OPRM1: variants seen among roughly 807,000 people sequenced by gnomAD.
OPRM1 encodes opioid receptor mu 1.
In OPRM1, 27 loss-of-function variants were observed where a neutral mutation model predicts 31.8. That is an observed-to-expected ratio of 0.85 (90% CI 0.63 to 1.17). The LOEUF (loss-of-function observed/expected upper bound fraction) is 1.17. Among genes scored for constraint, OPRM1 ranks in the 50% most tolerant of loss-of-function variants. The pLI, the probability that OPRM1 is intolerant of heterozygous loss-of-function variation, is 0.00. For synonymous variants in OPRM1, 196 were observed against 189.9 expected, an observed-to-expected ratio of 1.03 and a Z score of -0.26; for missense variants, 536 against 511.1, an observed-to-expected ratio of 1.05 and a Z score of -0.47.
At chr6:154,098,930 ATAGAG>A (rs549190074) in intron 3 of OPRM1, among the ~76,000 whole-genome samples, 59 of 152,180 alleles carry the variant, frequency 3.9e-4, no homozygotes, top group Non-Finnish European at 7.1e-4. Flanking sequence ...TTGTTTCTTT[ATAGAG>A]TAGAGTTTCT....
chr6:154,141,235 G>A (rs1315955770), intron 3 of OPRM1, among the ~76,000 whole-genome samples: 6 of 152,324 alleles, frequency 3.9e-5, no homozygotes, highest in East Asian at 1.9e-4. Flanking sequence ...TGGGCAGCGC[G>A]TGTTAATGTT....
chr6:154,140,526 C>T (rs1334226566), intron 3 of OPRM1, among the ~76,000 whole-genome samples: 2 of 152,024 alleles, frequency 1.3e-5, no homozygotes, highest in Non-Finnish European at 2.9e-5. Flanking sequence ...GACAGGGTTT[C>T]GCCATGTTGG....
At chr6:154,214,207 A>C (rs781470046) in intron 3 of OPRM1, 1 of 1,575,808 alleles carries the variant, frequency 6.3e-7, no homozygotes, top group Non-Finnish European at 8.7e-7. Flanking sequence ...GAAATTTAAA[A>C]TAGAACATAC....
intron 1 of OPRM1, among the ~76,000 whole-genome samples, chr6:154,058,007 A>G (rs369329569): frequency 6.6e-6 from 1 of 152,254 alleles, no homozygotes; most frequent in Admixed American, 6.5e-5. Context: ...TTGTCTGCAT[A>G]TAAACAAATG....
upstream of OPRM1, among the ~76,000 whole-genome samples, chr6:154,036,308 A>G (rs1377397157): frequency 6.6e-6 from 1 of 152,102 alleles, no homozygotes; most frequent in Non-Finnish European, 1.5e-5. Context: ...ATACCAAGAT[A>G]TAAATGTTAA....
chr6:154,093,413 C>T, intron 3 of OPRM1: 1 of 1,614,168 alleles, frequency 6.2e-7, no homozygotes, highest in Non-Finnish European at 8.5e-7. Context: ...ATACTGCTCC[C>T]AGCCCGTCTG....
At chr6:154,206,883 T>C (rs1777542636) in intron 3 of OPRM1, among the ~76,000 whole-genome samples, 1 of 152,142 alleles carries the variant, frequency 6.6e-6, no homozygotes, top group African/African-American at 2.4e-5. Context: ...AAGGGCAAAA[T>C]TGGCAGCAAG....
At position 154,090,118 on chromosome 6, in the gene OPRM1, A is replaced by C; in HGVS notation, c.583A>C (p.Ile195Leu). 1.2e-6 allele frequency: 2 copies of C among 1,614,076 alleles called. No homozygotes were observed. Among genetic ancestry groups the C allele is most frequent in the Non-Finnish European group, 1.7e-6 (2 of 1,180,000 alleles). The change falls in exon 2 of 4, where the codon ATC (isoleucine) becomes CTC (leucine). Residue 195 changes from isoleucine (I) to leucine (L), a missense_variant. Transcript: ENST00000330432. ...CAAAATTATCAATGTCTGCAACTGG[A>C]TCCTCTCTTCAGCCATTGGTCTTCC... is the stretch of plus-strand genomic sequence containing the variant. ...NAKIINVCNW[I>L]LSSAIGLPVM...
At chr6:154,103,165 A>G (rs1006402521) in intron 3 of OPRM1, among the ~76,000 whole-genome samples, 3 of 152,176 alleles carry the variant, frequency 2.0e-5, no homozygotes, top group African/African-American at 7.2e-5. Context: ...ACTACAATGA[A>G]ACACAAATCA....
chr6:154,219,014 TATATC>T (rs2128613599), intron 3 of OPRM1: 1 of 152,316 alleles, frequency 6.6e-6, no homozygotes, highest in South Asian at 2.1e-4. Context: ...ATGAAGTATT[TATATC>T]ATATCTACCC....
chr6:154,160,364 C>T (rs756156417), intron 3 of OPRM1, among the ~76,000 whole-genome samples: 50 of 152,302 alleles, frequency 3.3e-4, no homozygotes, highest in Non-Finnish European at 4.1e-4. Flanking sequence ...ATCATGCCTC[C>T]TAAAACTTAC....
chr6:154,116,668 G>A (rs1187022419), intron 3 of OPRM1, among the ~76,000 whole-genome samples: 1 of 152,026 alleles, frequency 6.6e-6, no homozygotes, highest in Non-Finnish European at 1.5e-5. Flanking sequence ...GAAATCCAGG[G>A]TAGCAAACCT....
Position 154,039,271 on chromosome 6 carries a change from G to C in OPRM1, c.-274G>C, listed in dbSNP as rs758842824. ...CCCTTCCAGCCTCCGAATCCCGCAT[G>C]GCCCACGCTCCCCTCCTGCAGCGGT... On this transcript the variant is annotated 5_prime_UTR_variant, in exon 1 of 4. It removes an upstream start codon present in the reference 5' UTR. Transcript: ENST00000330432. The C allele has an allele frequency of 3.9e-6, 6 of 1,551,528 alleles. No homozygotes were observed. The East Asian group carries it at 1.5e-4, about 38-fold the overall frequency.
At chr6:154,169,001 C>G (rs1222337523) in intron 3 of OPRM1, among the ~76,000 whole-genome samples, 2 of 152,056 alleles carry the variant, frequency 1.3e-5, no homozygotes, top group African/African-American at 4.8e-5. Flanking sequence ...ATATATTCAC[C>G]TCATCCCAAC....
intron 3 of OPRM1, among the ~76,000 whole-genome samples, chr6:154,195,350 T>C (rs9478521): frequency 0.097 from 14,738 of 151,942 alleles, 1,109 homozygotes; most frequent in African/African-American, 0.21. Flanking sequence ...GGTTTCACCA[T>C]GTTAGCCAGG....
chr6:154,196,675 A>T (rs572125337), intron 3 of OPRM1, among the ~76,000 whole-genome samples: 4 of 152,348 alleles, frequency 2.6e-5, no homozygotes, highest in African/African-American at 9.6e-5. Flanking sequence ...TTCTAACAAA[A>T]GAAATGAGGA....
At chr6:154,187,400 T>C (rs997860872) in intron 3 of OPRM1, among the ~76,000 whole-genome samples, 5 of 152,210 alleles carry the variant, frequency 3.3e-5, no homozygotes, top group African/African-American at 1.2e-4. Context: ...GGCTGTTTAT[T>C]TTGGCTTTCG....
intron 1 of OPRM1, chr6:154,074,163 A>G (rs1787363427): frequency 1.3e-5 from 2 of 152,222 alleles, no homozygotes; most frequent in African/African-American, 2.4e-5. Flanking sequence ...GGCTCTGACA[A>G]CAATCACTAG....
chr6:154,199,949 C>A (rs1776930328), intron 3 of OPRM1: 1 of 1,614,040 alleles, frequency 6.2e-7, no homozygotes, highest in Non-Finnish European at 8.5e-7. Context: ...GGAAGGAAAA[C>A]TGCTGGGTGT....
Sources: allele counts gnomAD v4.1 joint callset (sites outside exome capture counted in the v4.1 genomes callset), GRCh38; gene constraint gnomAD v4.1.1; transcripts MANE v1.5; gene names NCBI Gene and HGNC (gene_info 2026-07-23, HGNC 2026-07-21).